The following UVRAG variants were observed in gnomAD, a reference collection of about 807,000 sequenced individuals.
The protein encoded by UVRAG is UV radiation resistance-associated gene protein.
A neutral mutation model predicts 78.0 loss-of-function variants in UVRAG; 19 were observed. The observed-to-expected ratio is 0.24, with a 90% CI of 0.17 to 0.36. UVRAG has a LOEUF of 0.36. Ranked by LOEUF, UVRAG falls within the 10% of genes least tolerant of loss-of-function variation. The pLI, the probability that UVRAG is intolerant of heterozygous loss-of-function variation, is 1.00. For synonymous variants in UVRAG, 323 were observed against 324.6 expected, an observed-to-expected ratio of 1.00 and a Z score of 0.05; for missense variants, 740 against 853.8, an observed-to-expected ratio of 0.87 and a Z score of 1.66.
At chr11:76,075,175 T>G (rs1951381491) in intron 13 of UVRAG, among the ~76,000 whole-genome samples, 1 of 152,228 alleles carries the variant, frequency 6.6e-6, no homozygotes, top group Admixed American at 6.5e-5. Flanking sequence ...CAAGGATGTT[T>G]TAATAGTCAA....
intron 1 of UVRAG, among the ~76,000 whole-genome samples, chr11:75,817,692 T>G (rs1425078233): frequency 1.3e-5 from 2 of 152,262 alleles, no homozygotes; most frequent in South Asian, 4.1e-4. Flanking sequence ...ATTATCAGTA[T>G]TCAGTGGATG....
chr11:75,842,044 G>C (rs1945923953), intron 1 of UVRAG, among the ~76,000 whole-genome samples: 1 of 152,182 alleles, frequency 6.6e-6, no homozygotes, highest in Admixed American at 6.5e-5. Context: ...CTGGGGCTGT[G>C]GAGAACACCT....
chr11:75,988,096 G>GT (rs1011799746), intron 8 of UVRAG, among the ~76,000 whole-genome samples: 24 of 151,950 alleles, frequency 1.6e-4, no homozygotes, highest in East Asian at 9.7e-4. Flanking sequence ...TCATTTCTTT[G>GT]TTTTTTTTAT....
At chr11:75,878,117 G>C (rs1309486510) in intron 3 of UVRAG, among the ~76,000 whole-genome samples, 1 of 149,654 alleles carries the variant, frequency 6.7e-6, no homozygotes, top group East Asian at 2.0e-4. Context: ...GGCGGTTGCC[G>C]GGCGGAGGGT....
intron 12 of UVRAG, among the ~76,000 whole-genome samples, chr11:76,061,666 A>G (rs1263351400): frequency 6.6e-6 from 1 of 151,962 alleles, no homozygotes; most frequent in East Asian, 1.9e-4. Context: ...CAGCGAGACC[A>G]CGAACCCCAC....
intron 4 of UVRAG, among the ~76,000 whole-genome samples, chr11:75,881,210 G>A (rs1946936992): frequency 6.6e-6 from 1 of 152,042 alleles, no homozygotes; most frequent in African/African-American, 2.4e-5. Flanking sequence ...AGTTTATTTT[G>A]CCAAGATAGG....
chr11:75,871,143 G>GGATT (rs1946638586), intron 3 of UVRAG, among the ~76,000 whole-genome samples: 3 of 152,018 alleles, frequency 2.0e-5, no homozygotes, highest in African/African-American at 7.3e-5. Context: ...CAAAGTGCTG[G>GGATT]GATTACAAGC....
chr11:76,011,596 C>G (rs1415080996), intron 11 of UVRAG, among the ~76,000 whole-genome samples: 2 of 152,154 alleles, frequency 1.3e-5, no homozygotes, highest in Non-Finnish European at 2.9e-5. Flanking sequence ...TGCACTCCAG[C>G]CTGAGTGACA....
intron 6 of UVRAG, among the ~76,000 whole-genome samples, chr11:75,946,673 G>A (rs1261926391): frequency 6.6e-6 from 1 of 152,164 alleles, no homozygotes; most frequent in Non-Finnish European, 1.5e-5. Context: ...TCAGCCTCTT[G>A]TTCTCTTGCT....
chr11:76,035,173 G>A (rs900476258), intron 12 of UVRAG, among the ~76,000 whole-genome samples: 4 of 152,096 alleles, frequency 2.6e-5, no homozygotes, highest in Non-Finnish European at 2.9e-5. Context: ...TAAAAACTTA[G>A]TTACTAGGAG....
At chr11:75,999,358 CT>C (rs1453207081) in intron 8 of UVRAG, among the ~76,000 whole-genome samples, 1 of 151,512 alleles carries the variant, frequency 6.6e-6, no homozygotes, top group Non-Finnish European at 1.5e-5. Flanking sequence ...TGAAAGTATA[CT>C]TTTTTCAGTT....
At chr11:75,935,822 C>T (rs1232145793) in intron 6 of UVRAG, among the ~76,000 whole-genome samples, 1 of 152,060 alleles carries the variant, frequency 6.6e-6, no homozygotes, top group African/African-American at 2.4e-5. Context: ...CATAGTATGC[C>T]CATGAAAACC....
At chr11:76,008,764 C>T (rs1323581527) in intron 10 of UVRAG, 43 bp from the exon 11 acceptor site, 1 of 1,147,114 alleles carries the variant, frequency 8.7e-7, no homozygotes, top group Non-Finnish European at 1.2e-6. Flanking sequence ...CTTAGAGTTT[C>T]TTTGCTTTAT....
chr11:76,008,203 C>T (rs191969018), intron 10 of UVRAG, among the ~76,000 whole-genome samples: 1 of 152,316 alleles, frequency 6.6e-6, no homozygotes, highest in East Asian at 1.9e-4. Flanking sequence ...AGCCACTGCA[C>T]CCTGCCCATT....
chr11:75,867,979 C>CA (rs1648101168), intron 3 of UVRAG, among the ~76,000 whole-genome samples: 1 of 152,104 alleles, frequency 6.6e-6, no homozygotes, highest in African/African-American at 2.4e-5. Context: ...ACCTGGTGGT[C>CA]AAAGATTGTA....
chr11:76,069,024 T>C (rs1440300452), intron 13 of UVRAG, among the ~76,000 whole-genome samples: 1 of 152,268 alleles, frequency 6.6e-6, no homozygotes, highest in Admixed American at 6.5e-5. Flanking sequence ...TGAAGTCATT[T>C]AATACTGCAT....
At position 76,115,782 on chromosome 11, in the gene UVRAG, A is replaced by T. The variant is rs566686649; in HGVS notation, c.1306-142A>T. 34 of 700,736 alleles carry T rather than the reference A, an allele frequency of 4.9e-5. No homozygotes were observed. The South Asian group carries it at 5.9e-4, about 12-fold the overall frequency. The allele number at this position is 700,736 out of a possible 1,614,324, so 43.4% of individuals were successfully genotyped here. ...TATATGTCAAATACCCAGTAAGTGGAAAGTACTGTGAGGCTGATAATAGTA... is the reference window on the plus strand; with the variant it reads ...TATATGTCAAATACCCAGTAAGTGGTAAGTACTGTGAGGCTGATAATAGTA... On this transcript the variant is annotated intron_variant, in intron 13 of 14. Transcript: ENST00000356136.
intron 6 of UVRAG, among the ~76,000 whole-genome samples, chr11:75,956,388 C>CT (rs1319171839): frequency 0.11 from 14,488 of 128,694 alleles, 1,158 homozygotes; most frequent in African/African-American, 0.21. Context: ...CAATTCTTGC[C>CT]TTTTTTTTTT....
chr11:76,138,170 G>A (rs937503910), intron 14 of UVRAG, among the ~76,000 whole-genome samples: 1 of 152,240 alleles, frequency 6.6e-6, no homozygotes, highest in African/African-American at 2.4e-5. Flanking sequence ...AGCTTGATGT[G>A]TACTATGTCT....
Sources: gnomAD v4.1 joint callset for allele counts (sites outside exome capture counted in the v4.1 genomes callset) on GRCh38, gnomAD v4.1.1 for gene constraint, MANE v1.5 for transcripts, NCBI Gene and HGNC (gene_info 2026-07-23, HGNC 2026-07-21) for gene names.